FAM20B: variants seen among roughly 807,000 people sequenced by gnomAD.
The protein encoded by FAM20B is FAM20B glycosaminoglycan xylosylkinase.
Under a neutral mutation model 43.8 loss-of-function variants are expected in FAM20B, and 23 were observed. That is an observed-to-expected ratio of 0.53 (90% CI 0.38 to 0.74). The LOEUF (loss-of-function observed/expected upper bound fraction) is 0.74. FAM20B is among the 30% of genes least tolerant of loss of function. The pLI, the probability that FAM20B is intolerant of heterozygous loss-of-function variation, is 0.00. For missense variants in FAM20B, 440 were observed against 510.5 expected (o/e 0.86, Z 1.33); for synonymous variants, 178 against 192.4 (o/e 0.93, Z 0.62).
At chr1:179,063,826 C>A in intron 4 of FAM20B, 101 bp from the exon 5 acceptor site, 1 of 758,812 alleles carries the variant, frequency 1.3e-6, no homozygotes, top group South Asian at 2.2e-5. Context: ...TTTGTTTTCA[C>A]CATGCTTATT....
chr1:179,041,640 G>GA (rs1650541464), intron 1 of FAM20B, among the ~76,000 whole-genome samples: 1 of 123,420 alleles, frequency 8.1e-6, no homozygotes, highest in African/African-American at 3.7e-5. Flanking sequence ...GGGAGACCGT[G>GA]GGGAGACGGG....
At chr1:179,070,291 C>T (rs1168692477) in intron 7 of FAM20B, among the ~76,000 whole-genome samples, 1 of 152,030 alleles carries the variant, frequency 6.6e-6, no homozygotes, top group African/African-American at 2.4e-5. Flanking sequence ...AGTGATCTGA[C>T]CCCTTGGGCC....
At position 179,071,128 on chromosome 1, in the gene FAM20B, A is replaced by C. The variant is rs573714580; in HGVS notation, c.999-785A>C. ...GCTAACACGGTGAAAACCCGTCTCT[A>C]CTAAAAAATACAAAAAAATTAGCCG... On this transcript the variant is annotated intron_variant, in intron 7 of 7. Coordinates refer to ENST00000263733, the MANE Select transcript of FAM20B (RefSeq NM_014864.4). Among the ~76,000 whole-genome samples, 212 of 151,958 alleles carry C rather than the reference A, an allele frequency of 1.4e-3. 1 individual carries two copies. The highest frequency in any genetic ancestry group is 4.9e-3 in the African/African-American group (205 of 41,480).
In FAM20B at chr1:179,036,994, C is replaced by G. The variant is rs551760667; in HGVS notation, c.-133-6721C>G. The stretch of plus-strand genomic sequence containing the variant: ...ACAGAAGCAAAGAGCACCTACACAT[C>G]AAGAGGAGGACCATAGCATGTTCAG... On this transcript the variant is annotated intron_variant, in intron 1 of 7. Coordinates refer to ENST00000263733, the MANE Select transcript of FAM20B (RefSeq NM_014864.4). Among the ~76,000 whole-genome samples the G allele has an allele frequency of 6.6e-5, 10 of 152,294 alleles. No individual in the cohort carries two copies. The East Asian group carries it at 1.9e-3, about 29-fold the overall frequency.
chr1:179,023,171 T>C (rs1386227469), upstream of FAM20B, among the ~76,000 whole-genome samples: 2 of 152,146 alleles, frequency 1.3e-5, no homozygotes, highest in Non-Finnish European at 2.9e-5. Flanking sequence ...AATTCCAAGA[T>C]TGGGGTTCCA....
chr1:179,058,683 C>A (rs938492694), intron 4 of FAM20B, among the ~76,000 whole-genome samples: 1 of 152,070 alleles, frequency 6.6e-6, no homozygotes, highest in South Asian at 2.1e-4. Context: ...ATTTCAAGAG[C>A]GAATTGTGGC....
At chr1:179,058,694 A>C (rs926033730) in intron 4 of FAM20B, among the ~76,000 whole-genome samples, 1 of 152,224 alleles carries the variant, frequency 6.6e-6, no homozygotes, top group Admixed American at 6.6e-5. Context: ...GAATTGTGGC[A>C]GCATTGTCAA....
the FAM20B span, among the ~76,000 whole-genome samples, chr1:179,017,537 G>T: frequency 6.6e-6 from 1 of 152,174 alleles, no homozygotes; most frequent in South Asian, 2.1e-4. Flanking sequence ...AAGATTTGCA[G>T]GGCTGGAATT....
chr1:179,064,540 T>C (rs2102522321), intron 6 of FAM20B, 44 bp downstream of exon 6: 4 of 1,499,884 alleles, frequency 2.7e-6, no homozygotes, highest in East Asian at 2.3e-5. Flanking sequence ...GGTTTCTGTA[T>C]ATGAAAGAAG....
chr1:179,063,009 G>A (rs896900135), intron 4 of FAM20B, among the ~76,000 whole-genome samples: 1 of 152,180 alleles, frequency 6.6e-6, no homozygotes, highest in African/African-American at 2.4e-5. Flanking sequence ...GGGCGCGGTA[G>A]CTCACACCTG....
chr1:179,050,444 C>A, intron 3 of FAM20B, 79 bp downstream of exon 3: 1 of 929,342 alleles, frequency 1.1e-6, no homozygotes, highest in Non-Finnish European at 1.8e-6. Context: ...TGGACTCCTT[C>A]AGAAGGATGC....
rs115626165 is a variant in FAM20B at position 179,043,582 on chromosome 1, A to T, written c.-133-133A>T. 4.2e-3 allele frequency: 1,474 copies of T among 347,554 alleles called. 27 individuals carry two copies. The highest frequency in any genetic ancestry group is 0.029 in the African/African-American group (1,374 of 47,884). The allele number at this position is 347,554 out of a possible 1,614,324, so 21.5% of individuals were successfully genotyped here. A position where few individuals can be genotyped will look rare whatever the true frequency, so the allele number is the denominator to read the frequency against. ...GTCCTTCTCCAGATTAGTTAATTTT[A>T]AATTATTGAACCTTCTTGAGCTCAA... On this transcript the variant is annotated intron_variant, in intron 1 of 7. Transcript: ENST00000263733.
At chr1:179,035,122 A>G (rs1650167047) in intron 1 of FAM20B, among the ~76,000 whole-genome samples, 1 of 152,216 alleles carries the variant, frequency 6.6e-6, no homozygotes, top group South Asian at 2.1e-4. Flanking sequence ...CGTTAAGGCC[A>G]GGTGTTCTCA....
chr1:179,027,701 T>C (rs1400276066), intron 1 of FAM20B, among the ~76,000 whole-genome samples: 2 of 152,206 alleles, frequency 1.3e-5, no homozygotes, highest in South Asian at 2.1e-4. Flanking sequence ...GATCAAGACA[T>C]CTTGGAGTTC....
chr1:179,072,715 A>G lies in FAM20B; in HGVS notation c.*571A>G, dbSNP rs1487167130. On this transcript the variant is annotated 3_prime_UTR_variant, in exon 8 of 8. Transcript: ENST00000263733. The stretch of plus-strand genomic sequence containing the variant: ...TGGAGGGAAGGACAAAAACAGAAAA[A>G]TGTTTGGGCTTTTAAGCCATTGGGT... 1 of 152,656 alleles carries G rather than the reference A, an allele frequency of 6.6e-6. No homozygotes were observed. The highest frequency in any genetic ancestry group is 2.4e-5 in the African/African-American group (1 of 41,458). The allele number at this position is 152,656 out of a possible 1,614,324, so 9.5% of individuals were successfully genotyped here.
In FAM20B at chr1:179,076,132, A is replaced by G. The variant is rs143990674; in HGVS notation, c.*3988A>G. The G allele has an allele frequency of 2.6e-5, 4 of 152,354 alleles. No homozygotes were observed. The highest frequency in any genetic ancestry group is 5.9e-5 in the Non-Finnish European group (4 of 68,040). 9.4% of individuals were successfully genotyped at this position (152,354 alleles called of 1,614,324 possible). ...AAAGACCATTCATCAGCGAATAACTACTGAGCAACTCTAGTGTGCCAGCAC... is the reference window on the plus strand; with the variant it reads ...AAAGACCATTCATCAGCGAATAACTGCTGAGCAACTCTAGTGTGCCAGCAC... On this transcript the variant is annotated 3_prime_UTR_variant, in exon 8 of 8. Transcript: ENST00000263733.
At chr1:179,018,075 A>G in the FAM20B span, among the ~76,000 whole-genome samples, 1 of 152,204 alleles carries the variant, frequency 6.6e-6, no homozygotes, top group Admixed American at 6.5e-5. Flanking sequence ...ATCAAAGAGG[A>G]TAATTCCAGT....
chr1:179,058,546 G>C (rs964279289), intron 4 of FAM20B, among the ~76,000 whole-genome samples: 2 of 152,230 alleles, frequency 1.3e-5, no homozygotes, highest in Admixed American at 6.5e-5. Context: ...GGGCTGGCCA[G>C]TGAGGAAGAC....
intron 2 of FAM20B, among the ~76,000 whole-genome samples, chr1:179,045,401 T>G (rs550864564): frequency 2.1e-4 from 32 of 152,208 alleles, no homozygotes; most frequent in African/African-American, 7.5e-4. Context: ...TAGATTTCTT[T>G]CTGGAGTGGG....
Sources: gnomAD v4.1 joint callset for allele counts (sites outside exome capture counted in the v4.1 genomes callset) on GRCh38, gnomAD v4.1.1 for gene constraint, MANE v1.5 for transcripts, NCBI Gene and HGNC (gene_info 2026-07-23, HGNC 2026-07-21) for gene names.